The following RBFOX1 variants were observed in gnomAD, a reference collection of about 807,000 sequenced individuals.
The protein encoded by RBFOX1 is RNA binding fox-1 homolog 1, also known as RNA binding protein fox-1 homolog 1.
A neutral mutation model predicts 57.7 loss-of-function variants in RBFOX1; 8 were observed. The ratio of observed to expected loss-of-function variants is 0.14; its 90% CI spans 0.08 to 0.25. The LOEUF (loss-of-function observed/expected upper bound fraction) is 0.25. RBFOX1 is among the 10% of genes least tolerant of loss of function. The pLI is 1.00. For synonymous variants in RBFOX1, 326 were observed against 222.4 expected (o/e 1.47, Z -4.15); for missense variants, 611 against 548.5 (o/e 1.11, Z -1.14).
chr16:6,447,884 G>A (rs892107009), intron 2 of RBFOX1, among the ~76,000 whole-genome samples: 1 of 152,086 alleles, frequency 6.6e-6, no homozygotes, highest in Non-Finnish European at 1.5e-5. Context: ...CTGTGTGTTA[G>A]GACTTGTTCA....
At chr16:5,768,489 C>G (rs1373663894) in intron 3 of RBFOX1, among the ~76,000 whole-genome samples, 1 of 152,170 alleles carries the variant, frequency 6.6e-6, no homozygotes, top group African/African-American at 2.4e-5. Context: ...ACGTGGCAGA[C>G]AGGGAATAGC....
chr16:7,475,608 A>G (rs556741848), intron 4 of RBFOX1, among the ~76,000 whole-genome samples: 1 of 151,792 alleles, frequency 6.6e-6, no homozygotes, highest in African/African-American at 2.4e-5. Flanking sequence ...CCACACACCC[A>G]GCTAGGATGG....
At chr16:6,197,717 G>A (rs568845532) in intron 1 of RBFOX1, among the ~76,000 whole-genome samples, 8 of 151,562 alleles carry the variant, frequency 5.3e-5, no homozygotes, top group South Asian at 2.1e-4. Flanking sequence ...ATGGGGATTC[G>A]TTGTACAGAT....
intron 2 of RBFOX1, among the ~76,000 whole-genome samples, chr16:6,495,999 G>C (rs987994491): frequency 6.6e-6 from 1 of 152,166 alleles, no homozygotes; most frequent in Non-Finnish European, 1.5e-5. Flanking sequence ...ATGCGTCAGT[G>C]TAAAGCCATC....
At chr16:6,517,584 TTG>T (rs2096405637) in intron 2 of RBFOX1, among the ~76,000 whole-genome samples, 1 of 152,072 alleles carries the variant, frequency 6.6e-6, no homozygotes, top group South Asian at 2.1e-4. Context: ...TAGAAATGCT[TTG>T]TGTTTCAGAG....
At chr16:6,341,019 A>G (rs1410809555) in intron 2 of RBFOX1, among the ~76,000 whole-genome samples, 1 of 152,172 alleles carries the variant, frequency 6.6e-6, no homozygotes, top group African/African-American at 2.4e-5. Flanking sequence ...GGCAGTGTCC[A>G]CTGTCTCTAG....
intron 13 of RBFOX1, 110 bp from the exon 14 acceptor site, chr16:7,676,664 C>A (rs1463706796): frequency 2.1e-6 from 2 of 942,820 alleles, no homozygotes; most frequent in Non-Finnish European, 3.4e-6. Flanking sequence ...TTAACCTCAA[C>A]TTTAGCTCAG....
At chr16:7,268,547 A>T (rs11077167) in intron 4 of RBFOX1, among the ~76,000 whole-genome samples, 1 of 152,026 alleles carries the variant, frequency 6.6e-6, no homozygotes, top group Non-Finnish European at 1.5e-5. Context: ...TTGCCAATTG[A>T]CTTGCTCTTT....
chr16:7,491,752 C>T (rs920963793), intron 4 of RBFOX1, among the ~76,000 whole-genome samples: 1 of 152,040 alleles, frequency 6.6e-6, no homozygotes, highest in Non-Finnish European at 1.5e-5. Flanking sequence ...TGCTTCAGCC[C>T]CCTGAGTAGC....
intron 11 of RBFOX1, among the ~76,000 whole-genome samples, chr16:7,645,872 G>A (rs545309868): frequency 3.9e-5 from 6 of 151,916 alleles, no homozygotes; most frequent in African/African-American, 1.2e-4. Context: ...CTGGAGATTC[G>A]ACAAATTAAG....
chr16:7,202,424 C>G (rs1170207686), intron 4 of RBFOX1, among the ~76,000 whole-genome samples: 1 of 152,058 alleles, frequency 6.6e-6, no homozygotes, highest in Non-Finnish European at 1.5e-5. Context: ...CATGGAGATT[C>G]CCAAATAATT....
intron 4 of RBFOX1, among the ~76,000 whole-genome samples, chr16:7,131,636 C>T (rs1458070773): frequency 2.6e-5 from 4 of 151,516 alleles, no homozygotes; most frequent in Admixed American, 2.6e-4. Context: ...GAGAGTTGGG[C>T]CCAGATGAGA....
intron 2 of RBFOX1, among the ~76,000 whole-genome samples, chr16:6,387,845 C>G (rs7197556): frequency 3.0e-3 from 458 of 152,194 alleles, no homozygotes; most frequent in African/African-American, 0.011. Flanking sequence ...CTTCGTCTGT[C>G]TCAGTCTACA....
intron 3 of RBFOX1, among the ~76,000 whole-genome samples, chr16:6,971,704 G>T (rs945958405): frequency 6.6e-6 from 1 of 152,130 alleles, no homozygotes; most frequent in Non-Finnish European, 1.5e-5. Flanking sequence ...GGGTTAGGGT[G>T]TTGTTAGCAG....
At chr16:5,962,231 G>A (rs2152289210) in intron 4 of RBFOX1, among the ~76,000 whole-genome samples, 1 of 152,122 alleles carries the variant, frequency 6.6e-6, no homozygotes, top group African/African-American at 2.4e-5. Context: ...TACATCCTTG[G>A]CAAGATCCAC....
chr16:6,046,415 C>A (rs150652289), intron 1 of RBFOX1, among the ~76,000 whole-genome samples: 7 of 152,136 alleles, frequency 4.6e-5, no homozygotes, highest in African/African-American at 1.7e-4. Context: ...GACCCCAGGG[C>A]TCCATTTTAG....
intron 5 of RBFOX1, among the ~76,000 whole-genome samples, chr16:7,551,747 C>G (rs1452531016): frequency 1.3e-5 from 2 of 152,148 alleles, no homozygotes; most frequent in East Asian, 3.9e-4. Flanking sequence ...AATCTGTGTT[C>G]CATGAGATCC....
Position 6,228,194 on chromosome 16 carries a change from C to G in RBFOX1, c.-126-88801C>G, listed in dbSNP as rs1200515423. Reference sequence around the variant, plus strand: ...GGCTTGGTGACACGCGCCTGTATTCCCAGCTACTCGGGGCCGGGGGAGCAG... The same window carrying G: ...GGCTTGGTGACACGCGCCTGTATTCGCAGCTACTCGGGGCCGGGGGAGCAG... On this transcript the variant is annotated intron_variant, in intron 1 of 15. Transcript: ENST00000550418. 1.3e-5 allele frequency among the ~76,000 whole-genome samples: 2 copies of G among 151,984 alleles called. 1 individual carries two copies. Among genetic ancestry groups the G allele is most frequent in the Non-Finnish European group, 2.9e-5 (2 of 68,006 alleles).
At chr16:6,605,461 G>C (rs1284477007) in intron 2 of RBFOX1, among the ~76,000 whole-genome samples, 1 of 152,010 alleles carries the variant, frequency 6.6e-6, no homozygotes, top group Non-Finnish European at 1.5e-5. Context: ...TTAGCTTTCT[G>C]GCTGCTTTGA....
Sources: allele counts gnomAD v4.1 joint callset (sites outside exome capture counted in the v4.1 genomes callset), GRCh38; gene constraint gnomAD v4.1.1; transcripts MANE v1.5; gene names NCBI Gene and HGNC (gene_info 2026-07-23, HGNC 2026-07-21).